The following GIP variants were observed in gnomAD, a reference collection of about 807,000 sequenced individuals.
The protein encoded by GIP is glucose-dependent insulinotropic polypeptide.
Under a neutral mutation model 18.1 loss-of-function variants are expected in GIP, and 16 were observed. The observed-to-expected ratio is 0.88, with a 90% CI of 0.60 to 1.34. The LOEUF is 1.34. GIP is among the 40% of genes most tolerant of loss of function. The pLI, the probability that GIP is intolerant of heterozygous loss-of-function variation, is 0.00. For synonymous variants in GIP, 76 were observed against 74.0 expected, an observed-to-expected ratio of 1.03 and a Z score of -0.14; for missense variants, 192 against 183.4, an observed-to-expected ratio of 1.05 and a Z score of -0.27.
Position 48,964,381 on chromosome 17 carries a change from A to G in GIP, c.186T>C (p.Ser62=). The G allele has an allele frequency of 2.5e-6, 4 of 1,613,696 alleles. No individual in the cohort carries two copies. Among genetic ancestry groups the G allele is most frequent in the Non-Finnish European group, 2.5e-6 (3 of 1,179,712 alleles). Residue 62 remains serine (S), a synonymous_variant, in exon 3 of 6, where the codon AGT becomes AGC. Transcript: ENST00000357424. ...GTTGGTGAATCTTGTCCATGGCAATACTGTAGTCACTGATGAAAGTCCCTT... is the reference window on the plus strand; with the variant it reads ...GTTGGTGAATCTTGTCCATGGCAATGCTGTAGTCACTGATGAAAGTCCCTT... ...YAEGTFISDY[S]IAMDKIHQQD... is the part of the protein sequence containing the mutation.
intron 5 of GIP, among the ~76,000 whole-genome samples, chr17:48,959,728 C>T (rs923061871): frequency 6.6e-6 from 1 of 152,124 alleles, no homozygotes; most frequent in African/African-American, 2.4e-5. Flanking sequence ...AGAGGGAAAG[C>T]TGAGAACAGG....
chr17:48,967,663 G>A (rs2041242507), intron 1 of GIP, among the ~76,000 whole-genome samples: 1 of 151,650 alleles, frequency 6.6e-6, no homozygotes, highest in Non-Finnish European at 1.5e-5. Flanking sequence ...TTGCCAGTTT[G>A]GACCTTTTCT....
intron 2 of GIP, 97 bp downstream of exon 2, chr17:48,967,050 A>G: frequency 8.2e-6 from 7 of 857,016 alleles, no homozygotes; most frequent in Non-Finnish European, 1.4e-5. Context: ...CTTAGCCTGG[A>G]TTCCTTCCCT....
intron 3 of GIP, among the ~76,000 whole-genome samples, chr17:48,962,487 G>C (rs529631012): frequency 6.6e-6 from 1 of 152,180 alleles, no homozygotes; most frequent in African/African-American, 2.4e-5. Context: ...TCATGCCTCA[G>C]CCTCCCGAGT....
chr17:48,965,413 G>T (rs1237906693), intron 2 of GIP, among the ~76,000 whole-genome samples: 3 of 149,492 alleles, frequency 2.0e-5, no homozygotes, highest in Non-Finnish European at 4.4e-5. Flanking sequence ...GACCATCCTG[G>T]CTAACATGGT....
chr17:48,960,631 A>G (rs535631221), intron 5 of GIP, among the ~76,000 whole-genome samples: 2 of 152,134 alleles, frequency 1.3e-5, no homozygotes, highest in African/African-American at 2.4e-5. Context: ...TTACTCCTCA[A>G]AGATGGCCCT....
chr17:48,964,252 G>GA, intron 3 of GIP, 58 bp downstream of exon 3: 1 of 1,414,142 alleles, frequency 7.1e-7, no homozygotes, highest in East Asian at 2.3e-5. Flanking sequence ...GGCCTCCTCT[G>GA]AAGGTAGGAA....
chr17:48,966,315 G>A (rs1289197603), intron 2 of GIP, among the ~76,000 whole-genome samples: 2 of 150,690 alleles, frequency 1.3e-5, no homozygotes, highest in Non-Finnish European at 2.9e-5. Flanking sequence ...CAGCGCTTTG[G>A]GAGGCCAAGG....
At chr17:48,964,514 G>C (rs1453653908) in intron 2 of GIP, 34 bp from the exon 3 acceptor site, 3 of 1,580,454 alleles carry the variant, frequency 1.9e-6, no homozygotes, top group South Asian at 1.1e-5. Context: ...GGGCAGAGAT[G>C]GGGGGAGAAT....
chr17:48,967,907 C>G (rs1366430406), intron 1 of GIP, among the ~76,000 whole-genome samples: 1 of 151,686 alleles, frequency 6.6e-6, no homozygotes, highest in African/African-American at 2.4e-5. Flanking sequence ...CAAAGATTAG[C>G]CAGGTGTGGT....
At chr17:48,962,662 T>C (rs115100859) in intron 3 of GIP, among the ~76,000 whole-genome samples, 18,799 of 152,056 alleles carry the variant, frequency 0.12, 2,209 homozygotes, top group African/African-American at 0.31. Context: ...CTACTGGGCC[T>C]GGCCCTAGCC....
At chr17:48,961,939 A>C in intron 3 of GIP, 120 bp from the exon 4 acceptor site, 1 of 701,076 alleles carries the variant, frequency 1.4e-6, no homozygotes, top group Non-Finnish European at 2.5e-6. Context: ...AACCCCACCT[A>C]ACAGTGGTCT....
intron 4 of GIP, among the ~76,000 whole-genome samples, 181 bp from the exon 5 acceptor site, chr17:48,961,168 G>C (rs536556322): frequency 6.6e-6 from 1 of 152,276 alleles, no homozygotes; most frequent in South Asian, 2.1e-4. Flanking sequence ...CCCACCCAGC[G>C]CTGCCTGCCT....
At chr17:48,968,135 C>T (rs933750682) in intron 1 of GIP, among the ~76,000 whole-genome samples, 10 of 151,902 alleles carry the variant, frequency 6.6e-5, no homozygotes, top group African/African-American at 4.8e-5. Context: ...CTCTGTCACC[C>T]GGGTTGGAGT....
At chr17:48,964,865 C>T (rs2041226295) in intron 2 of GIP, among the ~76,000 whole-genome samples, 6 of 151,930 alleles carry the variant, frequency 3.9e-5, no homozygotes, top group South Asian at 2.1e-4. Flanking sequence ...GTTGGCAGGG[C>T]GTGGTGGCTT....
At chr17:48,961,933 C>T (rs1446806907) in intron 3 of GIP, 114 bp from the exon 4 acceptor site, 4 of 726,884 alleles carry the variant, frequency 5.5e-6, no homozygotes, top group Non-Finnish European at 9.5e-6. Flanking sequence ...CCACTCAACC[C>T]CACCTAACAG....
intron 4 of GIP, 44 bp downstream of exon 4, chr17:48,961,683 G>A (rs2041201069): frequency 8.2e-7 from 1 of 1,220,574 alleles, no homozygotes; most frequent in Admixed American, 1.7e-5. Context: ...TGGGGGCGGG[G>A]CAGGAGGCTT....
Position 48,967,156 on chromosome 17 carries a change from C to T in GIP, c.77G>A (p.Gly26Asp). The T allele has an allele frequency of 6.2e-7, 1 of 1,611,988 alleles. No homozygotes were observed. The highest frequency in any genetic ancestry group is 8.5e-7 in the Non-Finnish European group (1 of 1,178,104). Residue 26 changes from glycine to aspartate, a missense_variant, in exon 2 of 6, where the codon GGT becomes GAT. Transcript: ENST00000357424. Reference sequence around the variant, plus strand: ...CTCTCACCACTCCTACCTGAAGTGACCCTCTTTCTTCTCTCCTAGTCCCAC... The same window carrying T: ...CTCTCACCACTCCTACCTGAAGTGATCCTCTTTCTTCTCTCCTAGTCCCAC... ...LAVGLGEKKE[G>D]HFSALPSLPV...
At chr17:48,960,570 G>C (rs1311167206) in intron 5 of GIP, among the ~76,000 whole-genome samples, 2 of 152,146 alleles carry the variant, frequency 1.3e-5, no homozygotes, top group African/African-American at 4.8e-5. Flanking sequence ...CTGGAAGAGT[G>C]AGGAAGAAGA....
Sources: gnomAD v4.1 joint callset for allele counts (sites outside exome capture counted in the v4.1 genomes callset) on GRCh38, gnomAD v4.1.1 for gene constraint, MANE v1.5 for transcripts, NCBI Gene and HGNC (gene_info 2026-07-23, HGNC 2026-07-21) for gene names.